The following CLDN10 variants were observed in gnomAD, a reference collection of about 807,000 sequenced individuals.
The protein encoded by CLDN10 is claudin 10, also known as claudin-10.
In CLDN10, 15 loss-of-function variants were observed where a neutral mutation model predicts 22.9. That is an observed-to-expected ratio of 0.65 (90% CI 0.44 to 1.01). The LOEUF (loss-of-function observed/expected upper bound fraction) is 1.01, where lower values mean the gene tolerates loss of function less well. CLDN10 is among the 50% of genes least tolerant of loss of function. The pLI, the probability that CLDN10 is intolerant of heterozygous loss-of-function variation, is 0.00. For missense variants in CLDN10, 247 were observed against 287.8 expected, an observed-to-expected ratio of 0.86 and a Z score of 1.03; for synonymous variants, 114 against 111.4, an observed-to-expected ratio of 1.02 and a Z score of -0.15.
At chr13:95,480,936 A>C (rs1011814615) in intron 1 of CLDN10, among the ~76,000 whole-genome samples, 47 of 152,214 alleles carry the variant, frequency 3.1e-4, no homozygotes, top group African/African-American at 1.1e-3. Context: ...GCCAGAAGGT[A>C]ATGGGACAGC....
chr13:95,570,833 C>T (rs1199645592), intron 3 of CLDN10, among the ~76,000 whole-genome samples: 1 of 117,308 alleles, frequency 8.5e-6, no homozygotes, highest in African/African-American at 3.1e-5. Flanking sequence ...TATATATACA[C>T]ACACACACAC....
chr13:95,564,390 T>TAA (rs1044427127), intron 3 of CLDN10, among the ~76,000 whole-genome samples: 2 of 152,232 alleles, frequency 1.3e-5, no homozygotes, highest in Non-Finnish European at 2.9e-5. Flanking sequence ...TAGCTGCCAC[T>TAA]AAATACCATC....
chr13:95,559,108 G>A lies in CLDN10; in HGVS notation c.221-1024G>A, dbSNP rs570748333. ...CCAGTTAAAAAGTTTAATTCCAAAC[G>A]TAAACCTGATGTAGGTATATATGTT... is the stretch of plus-strand genomic sequence containing the variant. On this transcript the variant is annotated intron_variant, in intron 1 of 4. Transcript: ENST00000299339. Among the ~76,000 whole-genome samples the A allele has an allele frequency of 1.2e-3, 190 of 152,148 alleles. 1 individual carries two copies. Among genetic ancestry groups the A allele is most frequent in the African/African-American group, 4.1e-3 (170 of 41,472 alleles).
At chr13:95,544,500 C>T (rs1430603627) in intron 1 of CLDN10, among the ~76,000 whole-genome samples, 1 of 152,112 alleles carries the variant, frequency 6.6e-6, no homozygotes, top group Non-Finnish European at 1.5e-5. Flanking sequence ...CAACTTTGTT[C>T]TTTAGATGTT....
upstream of CLDN10, among the ~76,000 whole-genome samples, chr13:95,551,174 G>C (rs966644504): frequency 6.6e-6 from 1 of 152,180 alleles, no homozygotes; most frequent in African/African-American, 2.4e-5. Context: ...GCTGCAACAA[G>C]AGTAGGACTT....
At chr13:95,473,787 C>T (rs959448541) in intron 1 of CLDN10, among the ~76,000 whole-genome samples, 7 of 152,210 alleles carry the variant, frequency 4.6e-5, no homozygotes, top group African/African-American at 1.7e-4. Context: ...TGGAGAATCA[C>T]CGGTGAACTC....
chr13:95,453,883 G>A (rs1406243928), intron 1 of CLDN10, among the ~76,000 whole-genome samples: 1 of 152,128 alleles, frequency 6.6e-6, no homozygotes, highest in Non-Finnish European at 1.5e-5. Flanking sequence ...GGGAGGCCAA[G>A]GCGGGCGGAT....
intron 1 of CLDN10, among the ~76,000 whole-genome samples, chr13:95,529,384 A>AT (rs35057358): frequency 1.3e-5 from 2 of 151,670 alleles, no homozygotes; most frequent in East Asian, 1.9e-4. Flanking sequence ...GAATAAACAC[A>AT]TTTTTTTTCA....
chr13:95,474,196 A>G, intron 1 of CLDN10, among the ~76,000 whole-genome samples: 1 of 96,636 alleles, frequency 1.0e-5, no homozygotes, highest in Non-Finnish European at 2.9e-5. Context: ...ACAGTGACAG[A>G]TCATCAAGAG....
At chr13:95,574,204 A>G (rs1415459606) in intron 3 of CLDN10, among the ~76,000 whole-genome samples, 3 of 152,180 alleles carry the variant, frequency 2.0e-5, no homozygotes, top group African/African-American at 4.8e-5. Flanking sequence ...AATTTTTGCC[A>G]GATACACACG....
intron 1 of CLDN10, among the ~76,000 whole-genome samples, chr13:95,495,743 CAAA>C (rs71722865): frequency 1.2e-5 from 1 of 85,716 alleles, no homozygotes. Context: ...GACTCCACCT[CAAA>C]AAAAAAAAAA....
chr13:95,513,681 A>T (rs561486030), intron 1 of CLDN10, among the ~76,000 whole-genome samples: 1 of 152,356 alleles, frequency 6.6e-6, no homozygotes, highest in South Asian at 2.1e-4. Flanking sequence ...AGCTCTTATC[A>T]TTCATTCATA....
intron 1 of CLDN10, among the ~76,000 whole-genome samples, chr13:95,475,808 C>G (rs2042680210): frequency 6.6e-6 from 1 of 152,050 alleles, no homozygotes; most frequent in African/African-American, 2.4e-5. Flanking sequence ...CTCTCTGTCT[C>G]TCTCTGTCCC....
intron 1 of CLDN10, among the ~76,000 whole-genome samples, chr13:95,537,138 A>T (rs909293905): frequency 1.3e-5 from 2 of 152,254 alleles, no homozygotes; most frequent in African/African-American, 4.8e-5. Context: ...AAAATTAAAC[A>T]TTAAGTGGGG....
At chr13:95,553,974 G>T (rs770720174) in intron 1 of CLDN10, among the ~76,000 whole-genome samples, 2 of 152,152 alleles carry the variant, frequency 1.3e-5, no homozygotes, top group African/African-American at 4.8e-5. Flanking sequence ...TAGATTTGAG[G>T]TGTTTTTTTC....
At chr13:95,471,454 T>TATATATATATA (rs201753710) in intron 1 of CLDN10, among the ~76,000 whole-genome samples, 294 of 81,130 alleles carry the variant, frequency 3.6e-3, no homozygotes, top group African/African-American at 4.8e-3. Context: ...TATATATATA[T>TATATATATATA]TTTTTTTTTT....
intron 1 of CLDN10, among the ~76,000 whole-genome samples, chr13:95,485,311 A>G (rs1189742523): frequency 6.6e-6 from 1 of 151,966 alleles, no homozygotes; most frequent in Admixed American, 6.6e-5. Context: ...GCTTGGCTAG[A>G]GGACTTTATC....
At chr13:95,512,397 C>T (rs2043113657) in intron 1 of CLDN10, among the ~76,000 whole-genome samples, 1 of 152,030 alleles carries the variant, frequency 6.6e-6, no homozygotes, top group South Asian at 2.1e-4. Context: ...ATTCTCTCTC[C>T]TTTTTTGTTG....
intron 1 of CLDN10, among the ~76,000 whole-genome samples, chr13:95,489,552 T>C (rs1289311078): frequency 6.6e-6 from 1 of 152,170 alleles, no homozygotes; most frequent in East Asian, 1.9e-4. Flanking sequence ...TTCATGTCCT[T>C]GGGCCACTTT....
Sources: allele counts gnomAD v4.1 joint callset (sites outside exome capture counted in the v4.1 genomes callset), GRCh38; gene constraint gnomAD v4.1.1; transcripts MANE v1.5; gene names NCBI Gene and HGNC (gene_info 2026-07-23, HGNC 2026-07-21).